The following HTR3C variants were observed in gnomAD, a reference collection of about 807,000 sequenced individuals.
The protein encoded by HTR3C is 5-hydroxytryptamine receptor 3C, also known as 5-HT3-C.
HTR3C carries 32 observed loss-of-function variants against 40.5 expected under a neutral mutation model. That is an observed-to-expected ratio of 0.79 (90% CI 0.60 to 1.06). The LOEUF (loss-of-function observed/expected upper bound fraction) is 1.06. Among genes scored for constraint, HTR3C ranks in the 50% least tolerant of loss-of-function variants. HTR3C has a pLI of 0.00. For missense variants in HTR3C, 523 were observed against 556.8 expected, an observed-to-expected ratio of 0.94 and a Z score of 0.61; for synonymous variants, 209 against 217.1, an observed-to-expected ratio of 0.96 and a Z score of 0.33.
At chr3:184,058,378 G>T in intron 5 of HTR3C, 49 bp from the exon 6 acceptor site, 1 of 1,511,756 alleles carries the variant, frequency 6.6e-7, no homozygotes, top group East Asian at 2.5e-5. Flanking sequence ...TTTCGTGGGC[G>T]GGAGGCTTGG....
chr3:184,060,081 A>G (rs1236778894), intron 8 of HTR3C, 38 bp downstream of exon 8: 2 of 1,604,660 alleles, frequency 1.2e-6, no homozygotes, highest in Non-Finnish European at 1.7e-6. Flanking sequence ...CGCCCTTCAC[A>G]CTGGGCCCAG....
At chr3:184,054,389 A>G (rs1012148209) in intron 1 of HTR3C, among the ~76,000 whole-genome samples, 12 of 152,166 alleles carry the variant, frequency 7.9e-5, no homozygotes, top group Admixed American at 6.6e-4. Context: ...CTGCTAGGTG[A>G]GCCAAGAGTC....
In HTR3C at chr3:184,053,097, C is replaced by T. The variant is rs1207469683; in HGVS notation, c.17C>T (p.Pro6Leu). The change falls in exon 1 of 9, where the codon CCT becomes CTT. Residue 6 changes from proline (P) to leucine (L), a missense_variant. By Grantham distance (98) the Pro-to-Leu change is moderately conservative. Transcript: ENST00000318351. MEGGW[P>L]ARQSALLCLT... ...GAAAGAAGAATGGAAGGAGGGTGGC[C>T]TGCAAGGCAGAGTGCCCTCCTCTGC... is the stretch of plus-strand genomic sequence containing the variant. 6.2e-7 allele frequency: 1 copy of T among 1,613,850 alleles called. No individual in the cohort carries two copies. The highest frequency in any genetic ancestry group is 1.7e-5 in the Admixed American group (1 of 60,024).
At chr3:184,054,969 G>A in intron 2 of HTR3C, 82 bp downstream of exon 2, 2 of 1,417,674 alleles carry the variant, frequency 1.4e-6, no homozygotes, top group Middle Eastern at 2.0e-4. Context: ...ACATGGCCCT[G>A]GCCCCGTGGT....
intron 5 of HTR3C, 90 bp from the exon 6 acceptor site, chr3:184,058,337 G>T: frequency 7.5e-7 from 1 of 1,328,842 alleles, no homozygotes; most frequent in Non-Finnish European, 9.9e-7. Flanking sequence ...AGGAAAATTT[G>T]GTTTAGAAGC....
Position 184,059,646 on chromosome 3 carries a change from G to C in HTR3C, c.925+6G>C, listed in dbSNP as rs375317135. The C allele has an allele frequency of 1.9e-6, 3 of 1,614,022 alleles. No homozygotes were observed. Among genetic ancestry groups the C allele is most frequent in the Non-Finnish European group, 2.5e-6 (3 of 1,179,944 alleles). On this transcript the variant is annotated splice_donor_region_variant and intron_variant, in intron 7 of 8. Transcript: ENST00000318351. ...CAGTGGCACCCCCCTCATCAGTATG[G>C]CTCCTCCCACTTTCAGGAGGAGAAA...
At chr3:184,056,340 C>G in intron 4 of HTR3C, 54 bp downstream of exon 4, 1 of 1,236,494 alleles carries the variant, frequency 8.1e-7, no homozygotes, top group South Asian at 1.2e-5. Flanking sequence ...CGAGAACAGC[C>G]TAGGGTCAGC....
chr3:184,054,732 G>A lies in HTR3C; in HGVS notation c.79G>A (p.Ala27Thr), dbSNP rs768698957. The A allele has an allele frequency of 1.1e-5, 17 of 1,597,810 alleles. No individual in the cohort carries two copies. The highest frequency in any genetic ancestry group is 3.5e-5 in the Admixed American group (2 of 56,628). The change falls in exon 2 of 9, where the codon GCT (alanine) becomes ACT (threonine). Residue 27 changes from alanine (A) to threonine (T), a missense_variant. Coordinates refer to ENST00000318351, the MANE Select transcript of HTR3C (RefSeq NM_130770.3). ...TCTGCTCTCTATAGGAAGAGGCGAC[G>A]CTTTTACCATCAATTGCTCAGGCTT... The part of the protein sequence containing the change: ...VSLLLQGRGD[A>T]FTINCSGFDQ...
In HTR3C at chr3:184,060,382, A is replaced by T. The variant is rs1456928106; in HGVS notation, c.*30A>T. 1 of 1,613,274 alleles carries T rather than the reference A, an allele frequency of 6.2e-7. No individual in the cohort carries two copies. The highest frequency in any genetic ancestry group is 2.2e-5 in the East Asian group (1 of 44,872). On this transcript the variant is annotated 3_prime_UTR_variant, in exon 9 of 9. Transcript: ENST00000318351. ...ACATCCCCCCTCTCTGGCAAACAAC[A>T]GCTTGGAGTTTCTGCTGGTCTTGGG...
At chr3:184,055,705 A>T (rs1723308447) in intron 3 of HTR3C, among the ~76,000 whole-genome samples, 1 of 111,418 alleles carries the variant, frequency 9.0e-6, no homozygotes, top group Admixed American at 8.7e-5. Flanking sequence ...CAAGAACGAA[A>T]CTCCATCACA....
chr3:184,057,749 CAA>C (rs1723357386), intron 5 of HTR3C, among the ~76,000 whole-genome samples: 1 of 152,004 alleles, frequency 6.6e-6, no homozygotes, highest in Non-Finnish European at 1.5e-5. Flanking sequence ...CAAAACAAAA[CAA>C]AACAAAACAA....
chr3:184,053,523 C>T (rs1723264430), intron 1 of HTR3C, among the ~76,000 whole-genome samples: 1 of 152,088 alleles, frequency 6.6e-6, no homozygotes. Context: ...AGGGGACAAT[C>T]TGAGGTGGAA....
intron 6 of HTR3C, 126 bp from the exon 7 acceptor site, chr3:184,059,310 A>G: frequency 2.6e-6 from 2 of 784,274 alleles, no homozygotes; most frequent in Non-Finnish European, 4.2e-6. Flanking sequence ...AATTATATGC[A>G]AAAGTGTTAC....
chr3:184,053,458 C>T (rs1723262412), intron 1 of HTR3C, among the ~76,000 whole-genome samples: 1 of 152,104 alleles, frequency 6.6e-6, no homozygotes, highest in South Asian at 2.1e-4. Flanking sequence ...CTCTGTTTCT[C>T]CTGACATGAT....
chr3:184,053,899 C>A (rs757345229), intron 1 of HTR3C, among the ~76,000 whole-genome samples: 1 of 152,168 alleles, frequency 6.6e-6, no homozygotes, highest in Non-Finnish European at 1.5e-5. Context: ...GGATTACAGG[C>A]GAGCGCCACT....
At chr3:184,055,589 C>T (rs1211691762) in intron 3 of HTR3C, among the ~76,000 whole-genome samples, 1 of 151,912 alleles carries the variant, frequency 6.6e-6, no homozygotes, top group African/African-American at 2.4e-5. Context: ...TGGCAGGTGC[C>T]TGTAATCCCA....
Position 184,058,596 on chromosome 3 carries a change from A to G in HTR3C, c.720+9A>G, listed in dbSNP as rs774606451. 6.2e-7 allele frequency: 1 copy of G among 1,605,574 alleles called. No individual in the cohort carries two copies. The highest frequency in any genetic ancestry group is 8.5e-7 in the Non-Finnish European group (1 of 1,176,884). On this transcript the variant is annotated intron_variant, in intron 6 of 8. Coordinates refer to ENST00000318351, the MANE Select transcript of HTR3C (RefSeq NM_130770.3). ...ACCAGATCATGTTTTATGTGAGTCCAGGGGCCCCTGTTTGACTTCTGATCC... is the reference window on the plus strand; with the variant it reads ...ACCAGATCATGTTTTATGTGAGTCCGGGGGCCCCTGTTTGACTTCTGATCC...
chr3:184,060,217 C>T lies in HTR3C; in HGVS notation c.1209C>T (p.Gly403=), dbSNP rs768557545. The T allele has an allele frequency of 2.5e-6, 4 of 1,613,992 alleles. No individual in the cohort carries two copies. The highest frequency in any genetic ancestry group is 1.7e-5 in the Admixed American group (1 of 59,984). Residue 403 remains glycine (G), a synonymous_variant, in exon 9 of 9, where the codon GGC becomes GGT. Coordinates refer to ENST00000318351, the MANE Select transcript of HTR3C (RefSeq NM_130770.3). ...LGPRETEPDG[G]SGWTKTQLME... is the part of the protein sequence containing the mutation. ...CCAGAGAGACCGAGCCAGATGGGGG[C>T]TCAGGATGGACAAAGACCCAGCTAA...
rs1357873739 is a variant in HTR3C, at chr3:184,058,441, C to T, written c.574C>T (p.Leu192=). Residue 192 remains leucine, a synonymous_variant, in exon 6 of 9, where the codon CTG becomes TTG. Transcript: ENST00000318351. ...CTCCCTTCCAGTGGACAGCATGCTG[C>T]TGGGCATGGACAAGGAGGTGTGGGA... The part of the protein sequence containing the change: ...SFLYTVDSML[L]GMDKEVWEIT... The T allele has an allele frequency of 6.2e-7, 1 of 1,609,486 alleles. No homozygotes were observed. The highest frequency in any genetic ancestry group is 8.5e-7 in the Non-Finnish European group (1 of 1,178,472).
Sources: allele counts gnomAD v4.1 joint callset (sites outside exome capture counted in the v4.1 genomes callset), GRCh38; gene constraint gnomAD v4.1.1; transcripts MANE v1.5; gene names NCBI Gene and HGNC (gene_info 2026-07-23, HGNC 2026-07-21).